SYTL3: variants seen among roughly 807,000 people sequenced by gnomAD.
SYTL3 encodes synaptotagmin like 3.
SYTL3 carries 88 observed loss-of-function variants against 82.1 expected under a neutral mutation model. The observed-to-expected ratio is 1.07, with a 90% CI of 0.90 to 1.28. The LOEUF (loss-of-function observed/expected upper bound fraction) is 1.28, where lower values mean the gene tolerates loss of function less well. SYTL3 is among the 50% of genes most tolerant of loss of function. The pLI, the probability that SYTL3 is intolerant of heterozygous loss-of-function variation, is 0.00. For missense variants in SYTL3, 831 were observed against 757.6 expected (o/e 1.10, Z -1.14); for synonymous variants, 311 against 289.4 (o/e 1.07, Z -0.76).
chr6:158,681,437 A>G (rs1355177018), intron 5 of SYTL3, among the ~76,000 whole-genome samples: 1 of 152,084 alleles, frequency 6.6e-6, no homozygotes, highest in Non-Finnish European at 1.5e-5. Context: ...ATGATTCACA[A>G]GTGGTCTGCT....
At chr6:158,761,812 C>A (rs577227453) in intron 15 of SYTL3, among the ~76,000 whole-genome samples, 1 of 152,342 alleles carries the variant, frequency 6.6e-6, no homozygotes, top group East Asian at 1.9e-4. Flanking sequence ...TCTTCCCTCT[C>A]CTTGCGTTCC....
chr6:158,663,174 G>A lies in SYTL3; in HGVS notation c.-95G>A, dbSNP rs1789564028. On this transcript the variant is annotated 5_prime_UTR_variant, in exon 4 of 18. Transcript: ENST00000611299. ...AGAGGGAGCTCTTTAAACAAGGCTG[G>A]CTGCAGCTGGCCTCCGCCGCTCATC... 1 of 1,045,692 alleles carries A rather than the reference G, an allele frequency of 9.6e-7. No homozygotes were observed. The highest frequency in any genetic ancestry group is 1.4e-6 in the Non-Finnish European group (1 of 689,808). The allele number at this position is 1,045,692 out of a possible 1,614,324, so 64.8% of individuals were successfully genotyped here.
intron 10 of SYTL3, among the ~76,000 whole-genome samples, chr6:158,718,981 C>G (rs944269318): frequency 1.3e-5 from 2 of 152,198 alleles, no homozygotes; most frequent in Non-Finnish European, 2.9e-5. Context: ...GTCAGCCCCC[C>G]TCTCCTGCTG....
chr6:158,682,998 T>A lies in SYTL3; in HGVS notation c.394+9T>A. 1.3e-6 allele frequency: 2 copies of A among 1,592,590 alleles called. No individual in the cohort carries two copies. Among genetic ancestry groups the A allele is most frequent in the Non-Finnish European group, 1.7e-6 (2 of 1,160,768 alleles). ...GAAATTTCCAACTGGAGGTAAATGC[T>A]CTTTACTTTTTTAGTAAAGTAAAAT... On this transcript the variant is annotated intron_variant, in intron 6 of 17. Coordinates refer to ENST00000611299, the MANE Select transcript of SYTL3 (RefSeq NM_001242394.2).
Position 158,713,856 on chromosome 6 carries a change from G to C in SYTL3, c.573G>C (p.Leu191=). The change falls in exon 9 of 18, where the codon CTG becomes CTC. Residue 191 remains leucine, a synonymous_variant. Coordinates refer to ENST00000611299, the MANE Select transcript of SYTL3 (RefSeq NM_001242394.2). The part of the protein sequence containing the change: ...GFNKSVENLF[L]SLATHVKKLS... Reference sequence around the variant, plus strand: ...ATAAGTCCGTGGAAAATTTGTTTCTGTCTCTTGCTACCCACGTGAAAAGTA... The same window carrying C: ...ATAAGTCCGTGGAAAATTTGTTTCTCTCTCTTGCTACCCACGTGAAAAGTA... 1 of 1,550,794 alleles carries C rather than the reference G, an allele frequency of 6.4e-7. No homozygotes were observed. Among genetic ancestry groups the C allele is most frequent in the Admixed American group, 2.0e-5 (1 of 51,010 alleles).
At chr6:158,760,893 T>A (rs927733417) in intron 15 of SYTL3, 148 bp downstream of exon 15, 5 of 667,712 alleles carry the variant, frequency 7.5e-6, no homozygotes, top group Non-Finnish European at 1.3e-5. Context: ...TTCTGAGCCA[T>A]GCAGCGAGCC....
intron 11 of SYTL3, among the ~76,000 whole-genome samples, chr6:158,743,732 C>G (rs1444495419): frequency 6.6e-6 from 1 of 151,214 alleles, no homozygotes; most frequent in Admixed American, 6.6e-5. Flanking sequence ...AGGCATGAGC[C>G]ACTGTGCCCG....
In SYTL3 at chr6:158,665,411, C is replaced by T. The variant is rs1562349836; in HGVS notation, c.127C>T (p.Leu43=). 1 of 1,596,520 alleles carries T rather than the reference C, an allele frequency of 6.3e-7. No individual in the cohort carries two copies. Among genetic ancestry groups the T allele is most frequent in the Admixed American group, 1.7e-5 (1 of 57,240 alleles). ...EERTRKLKTH[L]QHLRWKGAKN... is the part of the protein sequence containing the mutation. ...GGGCTGCAGGAAACTGAAAACACAC[C>T]TGCAGCATCTCCGGTGGAAAGGAGC... The change falls in exon 5 of 18, where the codon CTG becomes TTG. Residue 43 remains leucine (L), a synonymous_variant. Coordinates refer to ENST00000611299, the MANE Select transcript of SYTL3 (RefSeq NM_001242394.2).
intron 5 of SYTL3, among the ~76,000 whole-genome samples, chr6:158,681,317 C>T (rs1778665744): frequency 6.6e-6 from 1 of 152,108 alleles, no homozygotes. Flanking sequence ...GAGCAGTTAG[C>T]GTCTCGAGTG....
chr6:158,701,758 G>A (rs1352433878), intron 6 of SYTL3, among the ~76,000 whole-genome samples: 1 of 151,970 alleles, frequency 6.6e-6, no homozygotes, highest in East Asian at 1.9e-4. Flanking sequence ...TCCAACAACA[G>A]AAATGTATCA....
chr6:158,645,329 A>G (rs1374961891), upstream of SYTL3, among the ~76,000 whole-genome samples: 1 of 152,168 alleles, frequency 6.6e-6, no homozygotes, highest in Non-Finnish European at 1.5e-5. Flanking sequence ...TACCTTAACC[A>G]TAGTGAACTA....
chr6:158,692,330 C>A (rs1430964982), intron 6 of SYTL3, among the ~76,000 whole-genome samples: 1 of 130,880 alleles, frequency 7.6e-6, no homozygotes, highest in Admixed American at 8.1e-5. Flanking sequence ...TCTACTCAGA[C>A]TTTCACTGTA....
At chr6:158,726,088 C>A in intron 11 of SYTL3, 1 of 461,682 alleles carries the variant, frequency 2.2e-6, no homozygotes. Context: ...TTAGTTCTTT[C>A]CAGAATGTAA....
At chr6:158,758,928 G>T (rs909358931) in intron 14 of SYTL3, among the ~76,000 whole-genome samples, 1 of 152,146 alleles carries the variant, frequency 6.6e-6, no homozygotes, top group East Asian at 1.9e-4. Context: ...CACGTTGCGG[G>T]TGGGTGAAGC....
chr6:158,651,165 A>G (rs1047875821), intron 1 of SYTL3, among the ~76,000 whole-genome samples: 3 of 152,216 alleles, frequency 2.0e-5, no homozygotes, highest in Non-Finnish European at 4.4e-5. Context: ...TAATGTGGCA[A>G]TAAGGATTAG....
At chr6:158,756,719 ATTTTTTTTTTT>A (rs758259824) in intron 13 of SYTL3, among the ~76,000 whole-genome samples, 4 of 48,568 alleles carry the variant, frequency 8.2e-5, no homozygotes, top group Non-Finnish European at 1.4e-4. Flanking sequence ...TCAAAAAAAA[ATTTTTTTTTTT>A]TTTTTTTTTT....
intron 6 of SYTL3, among the ~76,000 whole-genome samples, chr6:158,684,058 C>G (rs887765314): frequency 6.6e-6 from 1 of 152,184 alleles, no homozygotes; most frequent in Non-Finnish European, 1.5e-5. Context: ...GGGGCGATTA[C>G]AAAAGCTGGT....
At chr6:158,671,734 TAAAA>T (rs567259318) in intron 5 of SYTL3, among the ~76,000 whole-genome samples, 1 of 81,976 alleles carries the variant, frequency 1.2e-5, no homozygotes, top group Non-Finnish European at 2.2e-5. Context: ...AGACTCAGTC[TAAAA>T]AAAAAAAAAA....
At chr6:158,658,716 G>A (rs1264799490) in intron 2 of SYTL3, among the ~76,000 whole-genome samples, 1 of 152,078 alleles carries the variant, frequency 6.6e-6, no homozygotes, top group African/African-American at 2.4e-5. Flanking sequence ...CCTGAAGTCA[G>A]GAGTTTGAGA....
Sources: allele counts gnomAD v4.1 joint callset (sites outside exome capture counted in the v4.1 genomes callset), GRCh38; gene constraint gnomAD v4.1.1; transcripts MANE v1.5; gene names NCBI Gene and HGNC (gene_info 2026-07-23, HGNC 2026-07-21).